The following UBA2 variants were observed in gnomAD, a reference collection of about 807,000 sequenced individuals.
UBA2 encodes the protein SUMO-activating enzyme subunit 2.
A neutral mutation model predicts 77.2 loss-of-function variants in UBA2; 11 were observed. That is an observed-to-expected ratio of 0.14 (90% CI 0.09 to 0.24). The LOEUF (loss-of-function observed/expected upper bound fraction) is 0.24. Among genes scored for constraint, UBA2 ranks in the 10% least tolerant of loss-of-function variants. The pLI is 1.00. For missense variants in UBA2, 487 were observed against 781.7 expected (o/e 0.62, Z 4.50); for synonymous variants, 278 against 276.7 (o/e 1.00, Z -0.05).
intron 13 of UBA2, among the ~76,000 whole-genome samples, chr19:34,459,357 G>T (rs908129312): frequency 2.1e-4 from 32 of 152,148 alleles, no homozygotes; most frequent in Non-Finnish European, 4.6e-4. Flanking sequence ...TGTATTAAAG[G>T]GTATAAGTAA....
chr19:34,454,267 C>T lies in UBA2; in HGVS notation c.1046C>T (p.Pro349Leu). 1.2e-6 allele frequency: 2 copies of T among 1,608,790 alleles called. No homozygotes were observed. Among genetic ancestry groups the T allele is most frequent in the Non-Finnish European group, 1.7e-6 (2 of 1,178,702 alleles). ...TGTTTAAATTATTGGCAGGATGACC[C>T]ATCTGCAATGGATTTTGTCACCTCT... ...GAELIWDKDDPSAMDFVTSAA... is the reference protein window; with the variant it reads ...GAELIWDKDDLSAMDFVTSAA... Residue 349 changes from proline (P) to leucine (L), a missense_variant, in exon 11 of 17, where the codon CCA (proline) becomes CTA (leucine). Pro to Leu is a moderately conservative substitution (Grantham distance 98, BLOSUM62 -3). This residue lies in a region of UBA2 where 300 missense variants were observed against 454.3 expected (regional missense o/e 0.66). Transcript: ENST00000246548.
At chr19:34,435,120 A>G (rs768097853) in intron 5 of UBA2, 152 bp downstream of exon 5, 10 of 588,984 alleles carry the variant, frequency 1.7e-5, no homozygotes, top group South Asian at 6.0e-5. Flanking sequence ...ATGCGGGGCC[A>G]GGTGCAGTGG....
At chr19:34,455,596 T>C (rs1599922645) in intron 12 of UBA2, among the ~76,000 whole-genome samples, 1 of 152,184 alleles carries the variant, frequency 6.6e-6, no homozygotes, top group African/African-American at 2.4e-5. Context: ...TCAAAAAATA[T>C]CTAGTTTGCA....
At chr19:34,467,985 T>G (rs1262245597) in intron 16 of UBA2, among the ~76,000 whole-genome samples, 1 of 152,216 alleles carries the variant, frequency 6.6e-6, no homozygotes, top group South Asian at 2.1e-4. Flanking sequence ...AGGTGCTTGT[T>G]AAGTATGGAA....
At chr19:34,467,240 G>A in intron 16 of UBA2, 1 of 468,016 alleles carries the variant, frequency 2.1e-6, no homozygotes, top group Non-Finnish European at 3.8e-6. Context: ...GGCCAAGATG[G>A]GAGTATTACT....
chr19:34,428,451 C>G lies in UBA2; in HGVS notation c.19C>G (p.Leu7Val). 2 of 1,278,650 alleles carry G rather than the reference C, an allele frequency of 1.6e-6. No individual in the cohort carries two copies. The highest frequency in any genetic ancestry group is 9.9e-7 in the Non-Finnish European group (1 of 1,009,030). The allele number at this position is 1,278,650 out of a possible 1,614,324, so 79.2% of individuals were successfully genotyped here. A position where few individuals can be genotyped will look rare whatever the true frequency, so the allele number is the denominator to read the frequency against. Residue 7 changes from leucine (L) to valine (V), a missense_variant, in exon 1 of 17, where the codon CTG (leucine) becomes GTG (valine). Physicochemically the swap from Leu to Val is conservative, Grantham distance 32 (BLOSUM62 1). Transcript: ENST00000246548. MALSRG[L>V]PRELAEAVAG... Reference sequence around the variant, plus strand: ...TCCCGCCATGGCACTGTCGCGGGGGCTGCCCCGGGAGCTGGCTGAGGCGGT... The same window carrying G: ...TCCCGCCATGGCACTGTCGCGGGGGGTGCCCCGGGAGCTGGCTGAGGCGGT...
intron 12 of UBA2, among the ~76,000 whole-genome samples, chr19:34,454,881 G>T (rs2075541371): frequency 6.6e-6 from 1 of 152,050 alleles, no homozygotes; most frequent in South Asian, 2.1e-4. Context: ...AAATTTGCTT[G>T]GTCATTTTAT....
chr19:34,451,409 T>TA lies in UBA2; in HGVS notation c.872-572_872-571insA, dbSNP rs561200230. 2.0e-5 allele frequency among the ~76,000 whole-genome samples: 3 copies of TA among 152,216 alleles called. No individual in the cohort carries two copies. In the South Asian group the frequency reaches 6.2e-4, roughly 32 times the overall value. On this transcript the variant is annotated intron_variant, in intron 9 of 16. Transcript: ENST00000246548. ...CTCTAGTAGTGTCCGCTTACTGAGT[T>TA]CTCATTCTCACTAGGTGCTGGGCCT...
chr19:34,430,535 C>A, intron 1 of UBA2, 41 bp from the exon 2 acceptor site: 1 of 1,494,528 alleles, frequency 6.7e-7, no homozygotes, highest in Non-Finnish European at 9.3e-7. Context: ...CTCAAACATA[C>A]GTAAACGTTT....
Position 34,470,302 on chromosome 19 carries a change from C to G in UBA2, c.*1081C>G. The G allele has an allele frequency of 6.6e-6, 1 of 152,078 alleles. No individual in the cohort carries two copies. The highest frequency in any genetic ancestry group is 1.9e-4 in the East Asian group (1 of 5,180). 9.4% of individuals were successfully genotyped at this position (152,078 alleles called of 1,614,324 possible). ...CTCCACTGTTTGCCAAAGACGAGTA[C>G]TTTCTTTTCTTTATTCTTGGAGACT... On this transcript the variant is annotated 3_prime_UTR_variant, in exon 17 of 17. Coordinates refer to ENST00000246548, the MANE Select transcript of UBA2 (RefSeq NM_005499.3).
intron 1 of UBA2, chr19:34,428,921 C>A: frequency 1.0e-6 from 1 of 997,660 alleles, no homozygotes; most frequent in Non-Finnish European, 1.2e-6. Context: ...GGATTGAGTC[C>A]CTCGCGGATG....
At chr19:34,462,578 G>A (rs771094791) in intron 14 of UBA2, among the ~76,000 whole-genome samples, 4 of 152,108 alleles carry the variant, frequency 2.6e-5, no homozygotes, top group Non-Finnish European at 4.4e-5. Flanking sequence ...GGGTGTCAAC[G>A]TAGGGAAAGG....
Position 34,445,108 on chromosome 19 carries a change from A to C in UBA2, c.758A>C (p.Lys253Thr). The stretch of plus-strand genomic sequence containing the variant: ...AAATCAACTGGATATGATCCAGTTA[A>C]ACTTTTTACCAAGGTTAGATTTACT... ...WAKSTGYDPV[K>T]LFTKLFKDDI... Residue 253 changes from lysine to threonine, a missense_variant, in exon 8 of 17, where the codon AAA becomes ACA. Lys to Thr is a moderately conservative substitution (Grantham distance 78). Transcript: ENST00000246548. The C allele has an allele frequency of 1.2e-6, 2 of 1,611,052 alleles. No homozygotes were observed. The highest frequency in any genetic ancestry group is 1.7e-6 in the Non-Finnish European group (2 of 1,179,118).
At chr19:34,466,249 G>A (rs1190589481) in intron 15 of UBA2, among the ~76,000 whole-genome samples, 1 of 152,106 alleles carries the variant, frequency 6.6e-6, no homozygotes, top group Non-Finnish European at 1.5e-5. Flanking sequence ...CAGAAGAATA[G>A]CTTGAAAACC....
intron 10 of UBA2, 66 bp from the exon 11 acceptor site, chr19:34,454,194 T>C: frequency 7.4e-7 from 1 of 1,348,788 alleles, no homozygotes. Flanking sequence ...AGTATTGTTC[T>C]GAAAGTAATG....
intron 5 of UBA2, among the ~76,000 whole-genome samples, chr19:34,437,878 A>T (rs1284343626): frequency 1.3e-5 from 2 of 151,960 alleles, no homozygotes; most frequent in East Asian, 3.9e-4. Context: ...AACATGGAAA[A>T]ACCCCGTCTC....
intron 12 of UBA2, among the ~76,000 whole-genome samples, chr19:34,457,213 T>TATATATATATATATATAA (rs2075577895): frequency 8.1e-6 from 1 of 123,692 alleles, no homozygotes; most frequent in Non-Finnish European, 1.7e-5. Context: ...TATATATATA[T>TATATATATATATATATAA]AAAATTAGCT....
chr19:34,429,002 A>G (rs2075220303), intron 1 of UBA2: 2 of 985,454 alleles, frequency 2.0e-6, no homozygotes, highest in African/African-American at 1.7e-5. Flanking sequence ...TGGCAATGAT[A>G]GCGACCAACG....
At position 34,469,124 on chromosome 19, in the gene UBA2, G is replaced by A. The variant is rs1405048948; in HGVS notation, c.1826G>A (p.Ser609Asn). Residue 609 changes from serine to asparagine, a missense_variant, in exon 17 of 17, where the codon AGC becomes AAC. Ser to Asn is a conservative substitution (Grantham distance 46). Coordinates refer to ENST00000246548, the MANE Select transcript of UBA2 (RefSeq NM_005499.3). ...GCCGACGTCAGTGAAGAAGAGAGAA[G>A]CCGCAAGAGGAAATTAGATGAGAAA... ...NNADVSEEER[S>N]RKRKLDEKEN... The A allele has an allele frequency of 1.2e-6, 2 of 1,613,602 alleles. No homozygotes were observed.
Sources: gnomAD v4.1 joint callset for allele counts (sites outside exome capture counted in the v4.1 genomes callset) on GRCh38, gnomAD v4.1.1 for gene constraint, gnomAD v4.1.1 regional missense constraint, MANE v1.5 for transcripts, NCBI Gene and HGNC (gene_info 2026-07-23, HGNC 2026-07-21) for gene names.